Variants in KAZN observed in about 807,000 individuals in gnomAD.
KAZN encodes kazrin, periplakin interacting protein.
In KAZN, 40 loss-of-function variants were observed where a neutral mutation model predicts 87.4. That is an observed-to-expected ratio of 0.46 (90% CI 0.36 to 0.60). The LOEUF (loss-of-function observed/expected upper bound fraction) is 0.60. Ranked by LOEUF, KAZN falls within the 20% of genes least tolerant of loss-of-function variation. KAZN has a pLI of 0.00. For missense variants in KAZN, 898 were observed against 1,073.9 expected (o/e 0.84, Z 2.29); for synonymous variants, 466 against 458.3 (o/e 1.02, Z -0.22).
chr1:14,390,163 T>G (rs1662294698), intron 2 of KAZN, among the ~76,000 whole-genome samples: 1 of 152,174 alleles, frequency 6.6e-6, no homozygotes, highest in Admixed American at 6.5e-5. Flanking sequence ...ATAGCAAATT[T>G]TAATTGCGAT....
chr1:14,212,961 T>C (rs939348066), intron 2 of KAZN, among the ~76,000 whole-genome samples: 4 of 152,238 alleles, frequency 2.6e-5, no homozygotes, highest in African/African-American at 7.2e-5. Flanking sequence ...ATTTCTTTAA[T>C]TAATAAATCC....
Position 15,038,927 on chromosome 1 carries a change from C to G in KAZN, c.555+4042C>G, listed in dbSNP as rs79977551. 4.7e-5 allele frequency among the ~76,000 whole-genome samples: 7 copies of G among 147,398 alleles called. 1 individual carries two copies. Among genetic ancestry groups the G allele is most frequent in the African/African-American group, 7.5e-5 (3 of 40,114 alleles). ...ACCAGTAGCAGATGTTTATTGTGCA[C>G]CTACTGTATACAGACACGAATGTGC... On this transcript the variant is annotated intron_variant, in intron 3 of 14. Coordinates refer to ENST00000376030, the MANE Select transcript of KAZN (RefSeq NM_201628.3).
At chr1:14,962,592 A>G (rs1664010233) in intron 2 of KAZN, among the ~76,000 whole-genome samples, 1 of 152,160 alleles carries the variant, frequency 6.6e-6, no homozygotes, top group African/African-American at 2.4e-5. Context: ...CCCACAAGCA[A>G]GTGCTGCTGG....
At chr1:14,102,919 T>TC in intron 1 of KAZN, among the ~76,000 whole-genome samples, 1 of 151,806 alleles carries the variant, frequency 6.6e-6, no homozygotes, top group East Asian at 1.9e-4. Context: ...TCTCTCTTTT[T>TC]TTTTTTTTTA....
chr1:14,056,894 C>A (rs1160095322), intron 1 of KAZN, among the ~76,000 whole-genome samples: 1 of 151,960 alleles, frequency 6.6e-6, no homozygotes, highest in African/African-American at 2.4e-5. Flanking sequence ...AAATCAGTCT[C>A]TTGGCCAGGT....
intron 1 of KAZN, among the ~76,000 whole-genome samples, chr1:14,088,873 C>T (rs1277035809): frequency 1.3e-5 from 2 of 150,862 alleles, no homozygotes; most frequent in Admixed American, 1.3e-4. Flanking sequence ...GCCTTTTTAT[C>T]ATTATGAAAT....
At chr1:14,816,843 A>G (rs1646581921) in intron 1 of KAZN, among the ~76,000 whole-genome samples, 1 of 152,190 alleles carries the variant, frequency 6.6e-6, no homozygotes, top group Non-Finnish European at 1.5e-5. Flanking sequence ...GATGATTGAT[A>G]GACAGATAGA....
intron 1 of KAZN, among the ~76,000 whole-genome samples, chr1:14,109,638 A>G (rs1644454061): frequency 6.6e-6 from 1 of 151,754 alleles, no homozygotes; most frequent in Non-Finnish European, 1.5e-5. Flanking sequence ...TTTTTCTTTC[A>G]TTTCTTTTTG....
At chr1:15,029,716 T>C (rs950012680) in intron 2 of KAZN, among the ~76,000 whole-genome samples, 3 of 152,238 alleles carry the variant, frequency 2.0e-5, no homozygotes, top group Non-Finnish European at 4.4e-5. Context: ...TTGGTTCTCA[T>C]GGAGATGTGG....
chr1:14,288,313 CT>C (rs912645331), intron 2 of KAZN, among the ~76,000 whole-genome samples: 2 of 152,048 alleles, frequency 1.3e-5, no homozygotes, highest in African/African-American at 4.8e-5. Flanking sequence ...TGGTCCTGGA[CT>C]TTTTTTGGTT....
rs71572122 is a variant in KAZN at position 14,782,554 on chromosome 1, C to CAAAAAA, written c.227-178111_227-178106dup. On this transcript the variant is annotated intron_variant, in intron 1 of 14. Transcript: ENST00000376030. Reference sequence around the variant, plus strand: ...CAGGGCAAGACTCCACCTCAAAGAGCAAAAAAAAAAAAAAAAAAAAAAAAG... The same window carrying CAAAAAA: ...CAGGGCAAGACTCCACCTCAAAGAGCAAAAAAAAAAAAAAAAAAAAAAAAAAAAAAG... Among the ~76,000 whole-genome samples, 452 of 66,242 alleles carry CAAAAAA rather than the reference C, an allele frequency of 6.8e-3. 1 individual carries two copies. Among genetic ancestry groups the CAAAAAA allele is most frequent in the Middle Eastern group, 0.017 (1 of 60 alleles). The allele number at this position is 66,242 out of a possible 152,430, so 43.5% of individuals were successfully genotyped here.
chr1:14,427,071 T>C (rs1665772427), intron 2 of KAZN, among the ~76,000 whole-genome samples: 1 of 152,118 alleles, frequency 6.6e-6, no homozygotes, highest in African/African-American at 2.4e-5. Context: ...ACCTGTAAAA[T>C]TGTTTACTTT....
intron 1 of KAZN, among the ~76,000 whole-genome samples, chr1:14,070,460 A>G (rs1374357666): frequency 1.3e-5 from 2 of 152,240 alleles, no homozygotes; most frequent in Admixed American, 6.5e-5. Flanking sequence ...ACTTGCAAGA[A>G]TAATTCAAAG....
At chr1:13,941,383 C>T (rs926038289) in intron 1 of KAZN, among the ~76,000 whole-genome samples, 1 of 150,644 alleles carries the variant, frequency 6.6e-6, no homozygotes, top group Non-Finnish European at 1.5e-5. Context: ...GGGAACAGCT[C>T]AGGAAGCCTG....
chr1:14,532,129 C>G (rs1383622234), intron 2 of KAZN, among the ~76,000 whole-genome samples: 1 of 152,104 alleles, frequency 6.6e-6, no homozygotes, highest in Admixed American at 6.5e-5. Context: ...GTGGGCATGA[C>G]AGCCTCCCCT....
At chr1:14,363,298 G>A (rs1273410941) in intron 2 of KAZN, among the ~76,000 whole-genome samples, 1 of 152,084 alleles carries the variant, frequency 6.6e-6, no homozygotes, top group Non-Finnish European at 1.5e-5. Context: ...AAACATCTCC[G>A]TCTCCCACCT....
chr1:14,590,511 C>A (rs75267766), intron 2 of KAZN, among the ~76,000 whole-genome samples: 2 of 152,300 alleles, frequency 1.3e-5, no homozygotes, highest in Admixed American at 6.5e-5. Context: ...TCTGGTTATT[C>A]TACCTCTTAG....
intron 8 of KAZN, among the ~76,000 whole-genome samples, chr1:15,082,360 T>C (rs1358575628): frequency 6.6e-6 from 1 of 152,164 alleles, no homozygotes; most frequent in Admixed American, 6.5e-5. Context: ...GGCACACATT[T>C]GACCCCAGGG....
chr1:14,570,797 T>C (rs1234316755), intron 2 of KAZN, among the ~76,000 whole-genome samples: 1 of 152,188 alleles, frequency 6.6e-6, no homozygotes, highest in Non-Finnish European at 1.5e-5. Context: ...TCTTGAGAAA[T>C]TACCAAACTG....
Sources: allele counts gnomAD v4.1 joint callset (sites outside exome capture counted in the v4.1 genomes callset), GRCh38; gene constraint gnomAD v4.1.1; transcripts MANE v1.5; gene names NCBI Gene and HGNC (gene_info 2026-07-23, HGNC 2026-07-21).